Variants in SRSF4 observed in about 807,000 individuals in gnomAD.
The protein encoded by SRSF4 is serine/arginine-rich splicing factor 4.
SRSF4 carries 12 observed loss-of-function variants against 48.8 expected under a neutral mutation model. That is an observed-to-expected ratio of 0.25 (90% CI 0.16 to 0.40). The LOEUF is 0.40. SRSF4 is among the 10% of genes least tolerant of loss of function. The pLI, the probability that SRSF4 is intolerant of heterozygous loss-of-function variation, is 1.00. For synonymous variants in SRSF4, 248 were observed against 232.5 expected, an observed-to-expected ratio of 1.07 and a Z score of -0.61; for missense variants, 466 against 667.1, an observed-to-expected ratio of 0.70 and a Z score of 3.32.
intron 1 of SRSF4, among the ~76,000 whole-genome samples, chr1:29,179,347 C>CA (rs1200016627): frequency 1.3e-5 from 2 of 151,890 alleles, no homozygotes; most frequent in Non-Finnish European, 2.9e-5. Flanking sequence ...CATCAAAAAG[C>CA]AAAAAAAGTC....
At chr1:29,161,088 C>T (rs1672588006) in intron 1 of SRSF4, among the ~76,000 whole-genome samples, 1 of 152,076 alleles carries the variant, frequency 6.6e-6, no homozygotes, top group Non-Finnish European at 1.5e-5. Context: ...AATTCATTTC[C>T]ATGAAGTTTT....
chr1:29,150,516 G>A (rs1672393148), intron 4 of SRSF4, among the ~76,000 whole-genome samples: 1 of 152,008 alleles, frequency 6.6e-6, no homozygotes, highest in Non-Finnish European at 1.5e-5. Context: ...CACCTGCCTC[G>A]ACTTCCCAAA....
chr1:29,154,417 G>A, intron 4 of SRSF4: 1 of 383,554 alleles, frequency 2.6e-6, no homozygotes, highest in Non-Finnish European at 4.7e-6. Context: ...GGCTGGTCTT[G>A]AACTCCTGAC....
At position 29,154,807 on chromosome 1, in the gene SRSF4, G is replaced by A; in HGVS notation, c.467C>T (p.Ala156Val). 1 of 1,614,036 alleles carries A rather than the reference G, an allele frequency of 6.2e-7. No individual in the cohort carries two copies. The highest frequency in any genetic ancestry group is 8.5e-7 in the Non-Finnish European group (1 of 1,180,008). The change falls in exon 4 of 6, where the codon GCT becomes GTT. Residue 156 changes from alanine to valine, a missense_variant. By Grantham distance (64) the Ala-to-Val change is moderately conservative. This residue lies in a region of SRSF4 where 64 missense variants were observed against 230.2 expected (regional missense o/e 0.28). Coordinates refer to ENST00000373795, the MANE Select transcript of SRSF4 (RefSeq NM_005626.5). ...TTCAGTTCCATCCAACTTTTCCAAA[G>A]CTCTTTTCATATCAGAATAAGATAC... Reference protein sequence around the residue: ...EFVSYSDMKRALEKLDGTEVN... With the variant: ...EFVSYSDMKRVLEKLDGTEVN...
In SRSF4 at chr1:29,148,381, C is replaced by G; in HGVS notation, c.*29G>C. 2 of 1,561,528 alleles carry G rather than the reference C, an allele frequency of 1.3e-6. No individual in the cohort carries two copies. On this transcript the variant is annotated 3_prime_UTR_variant, in exon 6 of 6. Transcript: ENST00000373795. ...TACCAAACATGTACAAAAGACTTCT[C>G]GGGTAGTTCCAGCTGTGGCCATAGC... is the stretch of plus-strand genomic sequence containing the variant.
intron 1 of SRSF4, chr1:29,170,487 G>C (rs1201999742): frequency 6.6e-6 from 1 of 152,120 alleles, no homozygotes; most frequent in African/African-American, 2.4e-5. Flanking sequence ...ATGCCTCTTG[G>C]ATCATCTTGG....
intron 1 of SRSF4, among the ~76,000 whole-genome samples, chr1:29,174,869 T>TCA (rs935259906): frequency 3.3e-4 from 50 of 151,650 alleles, no homozygotes; most frequent in African/African-American, 1.2e-3. Context: ...AGACAGGGTT[T>TCA]CACCATGTTG....
In SRSF4 at chr1:29,149,082, G is replaced by T; in HGVS notation, c.813C>A (p.Asp271Glu). ...TGTTTTGGATCTTCTCTTCAGCTTGGTCTTTGCTCTTGCTGCGGCTCTTGC... is the reference window on the plus strand; with the variant it reads ...TGTTTTGGATCTTCTCTTCAGCTTGTTCTTTGCTCTTGCTGCGGCTCTTGC... ...SAGKSRSKSK[D>E]QAEEKIQNND... Residue 271 changes from aspartate (D) to glutamate (E), a missense_variant, in exon 6 of 6, where the codon GAC becomes GAA. Physicochemically the swap from Asp to Glu is conservative, Grantham distance 45 (BLOSUM62 2). Coordinates refer to ENST00000373795, the MANE Select transcript of SRSF4 (RefSeq NM_005626.5). 1 of 1,612,886 alleles carries T rather than the reference G, an allele frequency of 6.2e-7. No homozygotes were observed. The highest frequency in any genetic ancestry group is 8.5e-7 in the Non-Finnish European group (1 of 1,179,820).
At chr1:29,171,722 C>T (rs1672747210) in intron 1 of SRSF4, 1 of 151,910 alleles carries the variant, frequency 6.6e-6, no homozygotes, top group African/African-American at 2.4e-5. Flanking sequence ...GTTCTGGGTA[C>T]CTGGAAGCAT....
At chr1:29,153,028 C>T (rs894136453) in intron 4 of SRSF4, among the ~76,000 whole-genome samples, 49 of 152,148 alleles carry the variant, frequency 3.2e-4, no homozygotes, top group African/African-American at 1.2e-3. Flanking sequence ...AAGCTGTTGC[C>T]AGCTCTCTAG....
chr1:29,150,144 G>A lies in SRSF4; in HGVS notation c.627C>T (p.Gly209=). The A allele has an allele frequency of 6.2e-7, 1 of 1,614,006 alleles. No individual in the cohort carries two copies. The highest frequency in any genetic ancestry group is 1.7e-5 in the Admixed American group (1 of 59,982). ...RHSRKSRSRS[G]SSKSSHSKSR... The stretch of plus-strand genomic sequence containing the variant: ...TCTTAGAATGACTGCTTTTGCTGCT[G>A]CCACTTCGGCTTCTGCTCTTACGGG... The change falls in exon 5 of 6, where the codon GGC becomes GGT. Residue 209 remains glycine, a synonymous_variant. Transcript: ENST00000373795.
chr1:29,165,468 T>C (rs1171040900), intron 1 of SRSF4, among the ~76,000 whole-genome samples: 7 of 152,258 alleles, frequency 4.6e-5, no homozygotes. Context: ...TCTGAGTTTG[T>C]ATCCTTGCTA....
rs765149607 is a variant in SRSF4, at chr1:29,181,774, T to TGGCCCC, written c.-28_-23dup. On this transcript the variant is annotated 5_prime_UTR_variant, in exon 1 of 6. Transcript: ENST00000373795. ...GCATCCCGGCAACGGCAGTGATGGC[T>TGGCCCC]GGCCCCGGCCCCAGCCCCCCTTAGG... The TGGCCCC allele has an allele frequency of 1.7e-5, 26 of 1,558,596 alleles. No individual in the cohort carries two copies. The East Asian group carries it at 1.8e-4, about 11-fold the overall frequency.
intron 1 of SRSF4, chr1:29,165,770 G>A (rs1011026593): frequency 6.6e-6 from 1 of 152,262 alleles, no homozygotes; most frequent in African/African-American, 2.4e-5. Flanking sequence ...AGGAGCAGGG[G>A]AAAGCAAGCC....
chr1:29,158,969 T>C (rs1672549609), intron 3 of SRSF4, among the ~76,000 whole-genome samples: 1 of 152,078 alleles, frequency 6.6e-6, no homozygotes, highest in Admixed American at 6.6e-5. Flanking sequence ...TACCCGGGCA[T>C]GGTGGCGGGT....
Position 29,181,840 on chromosome 1 carries a change from G to C in SRSF4, c.-88C>G. On this transcript the variant is annotated 5_prime_UTR_variant, in exon 1 of 6. Transcript: ENST00000373795. ...CGAGAGCACGGCGGCAGCGGCGGCG[G>C]CGGCAACGGGCGGGCGGCGGGACGG... 1 of 1,086,202 alleles carries C rather than the reference G, an allele frequency of 9.2e-7. No homozygotes were observed. The highest frequency in any genetic ancestry group is 1.2e-6 in the Non-Finnish European group (1 of 825,496). The allele number at this position is 1,086,202 out of a possible 1,614,324, so 67.3% of individuals were successfully genotyped here. A position where few individuals can be genotyped will look rare whatever the true frequency, so the allele number is the denominator to read the frequency against.
At chr1:29,159,067 C>A (rs1329066616) in intron 3 of SRSF4, among the ~76,000 whole-genome samples, 1 of 152,134 alleles carries the variant, frequency 6.6e-6, no homozygotes, top group African/African-American at 2.4e-5. Flanking sequence ...GATGGTGCCA[C>A]TGCACTCCAG....
In SRSF4 at chr1:29,154,774, C is replaced by T. The variant is rs1403104539; in HGVS notation, c.500G>A (p.Gly167Glu). 6.2e-7 allele frequency: 1 copy of T among 1,614,068 alleles called. No homozygotes were observed. Among genetic ancestry groups the T allele is most frequent in the Non-Finnish European group, 8.5e-7 (1 of 1,180,052 alleles). Residue 167 changes from glycine to glutamate, a missense_variant, in exon 4 of 6, where the codon GGG becomes GAG. Physicochemically the swap from Gly to Glu is moderately conservative, Grantham distance 98 (BLOSUM62 -2). This residue lies in a region of SRSF4 where 64 missense variants were observed against 230.2 expected (regional missense o/e 0.28). Transcript: ENST00000373795. Reference protein sequence around the residue: ...LEKLDGTEVNGRKIRLVEDKP... With the variant: ...LEKLDGTEVNERKIRLVEDKP... ...GTCTTCAACTAATCTGATTTTTCTC[C>T]CATTGACTTCAGTTCCATCCAACTT... is the stretch of plus-strand genomic sequence containing the variant.
chr1:29,160,340 C>G (rs373583998), intron 2 of SRSF4, 35 bp downstream of exon 2: 1 of 1,578,726 alleles, frequency 6.3e-7, no homozygotes, highest in South Asian at 1.2e-5. Context: ...AACAAAAGCA[C>G]GTTACTGATA....
Sources: gnomAD v4.1 joint callset for allele counts (sites outside exome capture counted in the v4.1 genomes callset) on GRCh38, gnomAD v4.1.1 for gene constraint, gnomAD v4.1.1 regional missense constraint, MANE v1.5 for transcripts, NCBI Gene and HGNC (gene_info 2026-07-23, HGNC 2026-07-21) for gene names.